SHANK2: variants seen among roughly 807,000 people sequenced by gnomAD.
SHANK2 encodes the protein SH3 and multiple ankyrin repeat domains 2.
SHANK2 carries 43 observed loss-of-function variants against 133.7 expected under a neutral mutation model. The observed-to-expected ratio is 0.32, with a 90% CI of 0.25 to 0.41. SHANK2 has a LOEUF of 0.41. Among genes scored for constraint, SHANK2 ranks in the 10% least tolerant of loss-of-function variants. SHANK2 has a pLI of 1.00. For missense variants in SHANK2, 1,994 were observed against 2,235.8 expected (o/e 0.89, Z 2.18); for synonymous variants, 1,017 against 952.8 (o/e 1.07, Z -1.24).
rs1441042580 is a variant in SHANK2 at position 70,820,669 on chromosome 11, C to G, written c.1188G>C (p.Glu396Asp). ...GCCGGCGGTTGGAGTACGCCGGGGC[C>G]TCTCGGAAGGGCACTGGGGAGAAGG... ...HKETDIVPFR[E>D]APAYSNRRRR... The change falls in exon 12 of 26, where the codon GAG becomes GAC. Residue 396 changes from glutamate (E) to aspartate (D), a missense_variant. By Grantham distance (45) the Glu-to-Asp change is conservative (BLOSUM62 2). Transcript: ENST00000601538. 6 of 687,452 alleles carry G rather than the reference C, an allele frequency of 8.7e-6. No homozygotes were observed. The highest frequency in any genetic ancestry group is 1.6e-5 in the Non-Finnish European group (6 of 370,330). The allele number at this position is 687,452 out of a possible 1,614,324, so 42.6% of individuals were successfully genotyped here. A position where few individuals can be genotyped will look rare whatever the true frequency, so the allele number is the denominator to read the frequency against.
intron 17 of SHANK2, among the ~76,000 whole-genome samples, chr11:70,655,931 C>A (rs1164025127): frequency 3.3e-5 from 5 of 152,142 alleles, no homozygotes; most frequent in Non-Finnish European, 5.9e-5. Flanking sequence ...GGCGTGTGGG[C>A]TGGAGACGAG....
chr11:71,154,674 G>A (rs1180793356), intron 2 of SHANK2, among the ~76,000 whole-genome samples: 1 of 150,670 alleles, frequency 6.6e-6, no homozygotes, highest in Admixed American at 6.6e-5. Flanking sequence ...CTCCCAGAGG[G>A]ATGGACCTAC....
chr11:70,654,763 G>GTT (rs1384614672), intron 17 of SHANK2, among the ~76,000 whole-genome samples: 1 of 135,500 alleles, frequency 7.4e-6, no homozygotes. Flanking sequence ...TTTTGTTTTT[G>GTT]TTTTTTTTGT....
chr11:70,850,309 G>A (rs1235575486), intron 11 of SHANK2, among the ~76,000 whole-genome samples: 1 of 152,186 alleles, frequency 6.6e-6, no homozygotes, highest in Non-Finnish European at 1.5e-5. Flanking sequence ...AGAGATGTCT[G>A]TCTCCAAGCT....
At chr11:70,801,132 C>T (rs1948034524) in intron 13 of SHANK2, among the ~76,000 whole-genome samples, 1 of 152,224 alleles carries the variant, frequency 6.6e-6, no homozygotes, top group African/African-American at 2.4e-5. Flanking sequence ...GGACTCAACA[C>T]TCCTGCCTGA....
intron 17 of SHANK2, among the ~76,000 whole-genome samples, chr11:70,649,367 C>T (rs1186167201): frequency 6.6e-6 from 1 of 152,156 alleles, no homozygotes; most frequent in African/African-American, 2.4e-5. Flanking sequence ...GCGGGGCTAC[C>T]ATTCTCAGGG....
intron 10 of SHANK2, among the ~76,000 whole-genome samples, chr11:70,954,336 C>T (rs1042280083): frequency 4.6e-5 from 7 of 152,226 alleles, no homozygotes; most frequent in Admixed American, 2.6e-4. Flanking sequence ...GCCTTCATCA[C>T]GGACTGTCCC....
chr11:70,953,121 C>T (rs2135905185), intron 10 of SHANK2, among the ~76,000 whole-genome samples: 1 of 152,214 alleles, frequency 6.6e-6, no homozygotes, highest in Admixed American at 6.5e-5. Flanking sequence ...ACTTTGAACA[C>T]TGGCCCTTTC....
At chr11:70,701,256 G>T (rs1370936541) in intron 14 of SHANK2, among the ~76,000 whole-genome samples, 2 of 152,178 alleles carry the variant, frequency 1.3e-5, no homozygotes, top group African/African-American at 4.8e-5. Context: ...GTGTGTCCCA[G>T]ACTGGAGTTT....
chr11:70,637,344 G>A lies in SHANK2; in HGVS notation c.2061+22484C>T, dbSNP rs1471624577. The stretch of plus-strand genomic sequence containing the variant: ...CTGGTGCTGAGTACGGACTCAGTGT[G>A]TGGCCCGCACACAACTGATTAGACC... On this transcript the variant is annotated intron_variant, in intron 17 of 25. Coordinates refer to ENST00000601538, the MANE Select transcript of SHANK2 (RefSeq NM_012309.5). Among the ~76,000 whole-genome samples, 6 of 152,136 alleles carry A rather than the reference G, an allele frequency of 3.9e-5. 1 individual carries two copies. The highest frequency in any genetic ancestry group is 3.9e-4 in the Admixed American group (6 of 15,282).
At chr11:70,552,356 G>A (rs1390967229) in intron 17 of SHANK2, among the ~76,000 whole-genome samples, 1 of 152,158 alleles carries the variant, frequency 6.6e-6, no homozygotes, top group Non-Finnish European at 1.5e-5. Context: ...TGCCCAGCAG[G>A]GCCCTGGAAC....
At chr11:71,206,917 A>G (rs1170528905) in intron 2 of SHANK2, among the ~76,000 whole-genome samples, 1 of 152,058 alleles carries the variant, frequency 6.6e-6, no homozygotes, top group African/African-American at 2.4e-5. Context: ...TCTCTACAAA[A>G]AGTCAAAGTA....
rs576529014 is a variant in SHANK2 at position 71,138,129 on chromosome 11, G to A, written c.207+8991C>T. Reference sequence around the variant, plus strand: ...TCTAACAGTAACGAACCACACCCCTGCACCAGCCGCCCAGAGCCCTCTCTC... The same window carrying A: ...TCTAACAGTAACGAACCACACCCCTACACCAGCCGCCCAGAGCCCTCTCTC... On this transcript the variant is annotated intron_variant, in intron 3 of 25. Transcript: ENST00000601538. Among the ~76,000 whole-genome samples the A allele has an allele frequency of 1.9e-4, 12 of 61,564 alleles. No homozygotes were observed. In the South Asian group the frequency reaches 6.0e-3, roughly 31 times the overall value. 40.4% of individuals were successfully genotyped at this position (61,564 alleles called of 152,430 possible). A position where few individuals can be genotyped will look rare whatever the true frequency, so the allele number is the denominator to read the frequency against.
chr11:70,502,871 C>T lies in SHANK2; in HGVS notation c.2122G>A (p.Gly708Arg), dbSNP rs797045959. 2.5e-6 allele frequency: 4 copies of T among 1,613,956 alleles called. No individual in the cohort carries two copies. Among genetic ancestry groups the T allele is most frequent in the Non-Finnish European group, 3.4e-6 (4 of 1,180,004 alleles). The change falls in exon 18 of 26, where the codon GGA becomes AGA. Residue 708 changes from glycine to arginine, a missense_variant. Gly to Arg is a moderately radical substitution (Grantham distance 125, BLOSUM62 -2). Transcript: ENST00000601538. ...HRQVVNMIRQGGNHLVLKVVT... is the reference protein window; with the variant it reads ...HRQVVNMIRQRGNHLVLKVVT... ...ACCTTAAGGACCAGGTGATTCCCTC[C>T]CTGCCGGATCATGTTCACCACCTGC...
chr11:71,116,142 G>A (rs1951974565), intron 4 of SHANK2, among the ~76,000 whole-genome samples: 1 of 152,172 alleles, frequency 6.6e-6, no homozygotes, highest in South Asian at 2.1e-4. Context: ...TGCAGACGCG[G>A]CATCACCTTA....
intron 2 of SHANK2, among the ~76,000 whole-genome samples, chr11:71,179,505 A>G (rs1301683736): frequency 6.6e-6 from 1 of 152,202 alleles, no homozygotes; most frequent in Non-Finnish European, 1.5e-5. Flanking sequence ...TGTCCACCGT[A>G]TTTACATGGG....
chr11:70,837,714 C>A (rs1555060402), intron 11 of SHANK2, among the ~76,000 whole-genome samples: 1 of 152,104 alleles, frequency 6.6e-6, no homozygotes, highest in African/African-American at 2.4e-5. Context: ...GTGGCTCATG[C>A]CTGTAATCCC....
intron 11 of SHANK2, among the ~76,000 whole-genome samples, chr11:70,839,452 C>T (rs115454354): frequency 0.014 from 2,171 of 152,252 alleles, 57 homozygotes; most frequent in African/African-American, 0.05. Flanking sequence ...AGGGCGGGTA[C>T]GTCAAAGGAG....
chr11:70,859,095 G>C (rs535011892), intron 11 of SHANK2, among the ~76,000 whole-genome samples: 36 of 152,292 alleles, frequency 2.4e-4, no homozygotes, highest in African/African-American at 8.7e-4. Flanking sequence ...TGGATAAACA[G>C]AATGGTGGGT....
Sources: allele counts gnomAD v4.1 joint callset (sites outside exome capture counted in the v4.1 genomes callset), GRCh38; gene constraint gnomAD v4.1.1; transcripts MANE v1.5; gene names NCBI Gene and HGNC (gene_info 2026-07-23, HGNC 2026-07-21).